GABRB1: variants seen among roughly 807,000 people sequenced by gnomAD.
GABRB1 encodes the protein gamma-aminobutyric acid type A receptor subunit beta1, also known as gamma-aminobutyric acid receptor subunit beta-1.
Under a neutral mutation model 51.6 loss-of-function variants are expected in GABRB1, and 17 were observed. That is an observed-to-expected ratio of 0.33 (90% CI 0.23 to 0.49). The LOEUF is 0.49. GABRB1 is among the 20% of genes least tolerant of loss of function. The pLI, the probability that GABRB1 is intolerant of heterozygous loss-of-function variation, is 0.99. For missense variants in GABRB1, 410 were observed against 600.6 expected (o/e 0.68, Z 3.32); for synonymous variants, 247 against 218.9 (o/e 1.13, Z -1.14).
At chr4:46,995,908 A>G (rs1240837320) in intron 1 of GABRB1, among the ~76,000 whole-genome samples, 2 of 152,128 alleles carry the variant, frequency 1.3e-5, no homozygotes, top group African/African-American at 4.8e-5. Context: ...TAATTGGGTT[A>G]TAGTATTTAA....
chr4:47,235,679 T>G (rs1251519712), intron 4 of GABRB1, among the ~76,000 whole-genome samples: 2 of 152,138 alleles, frequency 1.3e-5, no homozygotes, highest in Non-Finnish European at 2.9e-5. Flanking sequence ...TCTCCTTTTA[T>G]AATTTTTTTA....
intron 4 of GABRB1, among the ~76,000 whole-genome samples, chr4:47,208,953 G>A (rs1025355132): frequency 2.0e-5 from 3 of 151,930 alleles, no homozygotes; most frequent in African/African-American, 7.3e-5. Context: ...TTTATAACAG[G>A]AATTGACTTG....
chr4:47,109,904 G>A (rs1330343941), intron 3 of GABRB1, among the ~76,000 whole-genome samples: 3 of 151,984 alleles, frequency 2.0e-5, no homozygotes, highest in Admixed American at 2.0e-4. Context: ...GTAAGGCCTT[G>A]TGAGTTAAAA....
chr4:47,416,204 A>G (rs6839213), intron 8 of GABRB1, among the ~76,000 whole-genome samples: 75,825 of 151,948 alleles, frequency 0.5, 22,103 homozygotes, highest in African/African-American at 0.82. Flanking sequence ...TGCAAGAGAA[A>G]CATAGCAGGT....
chr4:47,361,571 T>C (rs1360778442), intron 5 of GABRB1, among the ~76,000 whole-genome samples: 1 of 152,028 alleles, frequency 6.6e-6, no homozygotes, highest in African/African-American at 2.4e-5. Flanking sequence ...GCCACAATAG[T>C]GAACAGTTTG....
chr4:47,277,519 T>C (rs914936155), intron 4 of GABRB1, among the ~76,000 whole-genome samples: 5 of 152,086 alleles, frequency 3.3e-5, no homozygotes, highest in African/African-American at 1.2e-4. Context: ...TAATTGAATT[T>C]GTAATTCAAA....
At chr4:47,133,688 G>A (rs1716518162) in intron 3 of GABRB1, among the ~76,000 whole-genome samples, 1 of 152,130 alleles carries the variant, frequency 6.6e-6, no homozygotes, top group Admixed American at 6.5e-5. Context: ...CTCATGATTA[G>A]ATTCAGGTTA....
intron 4 of GABRB1, among the ~76,000 whole-genome samples, chr4:47,241,154 T>G (rs1721504415): frequency 6.6e-6 from 1 of 152,024 alleles, no homozygotes; most frequent in Non-Finnish European, 1.5e-5. Flanking sequence ...ATTTTTCCAG[T>G]AAAAAAAATA....
At chr4:47,185,749 T>A (rs1263475087) in intron 4 of GABRB1, among the ~76,000 whole-genome samples, 1 of 151,902 alleles carries the variant, frequency 6.6e-6, no homozygotes, top group South Asian at 2.1e-4. Flanking sequence ...TGTAATTGTA[T>A]GTAAAGCATC....
intron 3 of GABRB1, among the ~76,000 whole-genome samples, chr4:47,043,609 A>G (rs1725954259): frequency 6.6e-6 from 1 of 152,086 alleles, no homozygotes; most frequent in Non-Finnish European, 1.5e-5. Flanking sequence ...TGCAAAATGG[A>G]CAGAGATATG....
chr4:47,118,366 A>G (rs1234943509), intron 3 of GABRB1, among the ~76,000 whole-genome samples: 2 of 152,164 alleles, frequency 1.3e-5, no homozygotes, highest in Non-Finnish European at 2.9e-5. Context: ...GAATGATTCT[A>G]TCTAGAGTCA....
chr4:47,167,154 A>G (rs1435622979), intron 4 of GABRB1, among the ~76,000 whole-genome samples: 2 of 152,112 alleles, frequency 1.3e-5, no homozygotes, highest in East Asian at 3.9e-4. Context: ...CAGTCACCTG[A>G]TTCACAATAG....
intron 3 of GABRB1, among the ~76,000 whole-genome samples, chr4:47,051,808 A>T (rs1726359155): frequency 6.6e-6 from 1 of 152,210 alleles, no homozygotes; most frequent in South Asian, 2.1e-4. Context: ...GTCTCAAAGA[A>T]AGTCAGCCGA....
intron 4 of GABRB1, among the ~76,000 whole-genome samples, chr4:47,250,206 A>G (rs1376715222): frequency 1.3e-5 from 2 of 152,122 alleles, no homozygotes; most frequent in African/African-American, 4.8e-5. Context: ...TCCTTCATAT[A>G]TGATGCTTAG....
chr4:47,000,821 G>A (rs992754743), intron 1 of GABRB1, among the ~76,000 whole-genome samples: 2 of 152,156 alleles, frequency 1.3e-5, no homozygotes. Context: ...TTTCAAGTTA[G>A]ACTGAAGCTG....
chr4:47,238,368 T>C (rs1451505055), intron 4 of GABRB1, among the ~76,000 whole-genome samples: 1 of 152,146 alleles, frequency 6.6e-6, no homozygotes, highest in Non-Finnish European at 1.5e-5. Context: ...ATTAACTATT[T>C]TTTAGAAAAT....
At chr4:47,123,155 T>C (rs1715856233) in intron 3 of GABRB1, among the ~76,000 whole-genome samples, 1 of 151,452 alleles carries the variant, frequency 6.6e-6, no homozygotes, top group Admixed American at 6.6e-5. Flanking sequence ...TCAGTATTTA[T>C]TTTTTCACTC....
chr4:47,108,091 T>C (rs764475459), intron 3 of GABRB1, among the ~76,000 whole-genome samples: 1 of 152,046 alleles, frequency 6.6e-6, no homozygotes, highest in Non-Finnish European at 1.5e-5. Flanking sequence ...ATGCATAGTT[T>C]GGTAATTTTA....
At chr4:47,113,778 T>C (rs1352536711) in intron 3 of GABRB1, among the ~76,000 whole-genome samples, 1 of 152,248 alleles carries the variant, frequency 6.6e-6, no homozygotes, top group East Asian at 1.9e-4. Flanking sequence ...TTTTGTTGGT[T>C]TCACCAATAA....
Sources: gnomAD v4.1 joint callset for allele counts (sites outside exome capture counted in the v4.1 genomes callset) on GRCh38, gnomAD v4.1.1 for gene constraint, MANE v1.5 for transcripts, NCBI Gene and HGNC (gene_info 2026-07-23, HGNC 2026-07-21) for gene names.